Variants in INCENP observed in about 807,000 individuals in gnomAD.
INCENP encodes the protein inner centromere protein.
A neutral mutation model predicts 107.3 loss-of-function variants in INCENP; 43 were observed. The ratio of observed to expected loss-of-function variants is 0.40; its 90% CI spans 0.31 to 0.52. INCENP has a LOEUF of 0.52. Ranked by LOEUF, INCENP falls within the 20% of genes least tolerant of loss-of-function variation. The pLI is 0.53. For missense variants in INCENP, 1,089 were observed against 1,250.9 expected, an observed-to-expected ratio of 0.87 and a Z score of 1.95; for synonymous variants, 488 against 494.4, an observed-to-expected ratio of 0.99 and a Z score of 0.17.
rs377030570 is a variant in INCENP at position 62,138,778 on chromosome 11, G to A, written c.1173+8G>A. 2.1e-4 allele frequency: 336 copies of A among 1,613,704 alleles called. No individual in the cohort carries two copies. Among genetic ancestry groups the A allele is most frequent in the Non-Finnish European group, 1.8e-4 (213 of 1,179,846 alleles). ...GCGGCAGCTGAGCCAGAGGTAAGAC[G>A]GCTGCCTGGGGAAGGGAGGACTCAC... On this transcript the variant is annotated splice_region_variant and intron_variant, in intron 6 of 18. Coordinates refer to ENST00000394818, the MANE Select transcript of INCENP (RefSeq NM_001040694.2).
chr11:62,130,211 G>C lies in INCENP; in HGVS notation c.684G>C (p.Leu228=). 1 of 1,613,936 alleles carries C rather than the reference G, an allele frequency of 6.2e-7. No homozygotes were observed. The highest frequency in any genetic ancestry group is 8.5e-7 in the Non-Finnish European group (1 of 1,180,020). Reference sequence around the variant, plus strand: ...CTAAGAAGTCGAAGGCCAGGATACTGGAGTCCATCACAGTGAGCTCCCTGA... The same window carrying C: ...CTAAGAAGTCGAAGGCCAGGATACTCGAGTCCATCACAGTGAGCTCCCTGA... ...STPKKSKARI[L]ESITVSSLMA... Residue 228 remains leucine (L), a synonymous_variant, in exon 4 of 19, where the codon CTG becomes CTC. Coordinates refer to ENST00000394818, the MANE Select transcript of INCENP (RefSeq NM_001040694.2).
At position 62,129,926 on chromosome 11, in the gene INCENP, G is replaced by A. The variant is rs758789600; in HGVS notation, c.399G>A (p.Ala133=). ...RVTRAAAAAA[A]ATMALAAPSS... ...CCCGTGCTGCGGCTGCAGCTGCCGC[G>A]GCTACCATGGCATTGGCTGCACCTT... Residue 133 remains alanine, a synonymous_variant, in exon 4 of 19, where the codon GCG becomes GCA. Transcript: ENST00000394818. 6.4e-5 allele frequency: 103 copies of A among 1,613,808 alleles called. No individual in the cohort carries two copies. The East Asian group carries it at 1.4e-3, about 22-fold the overall frequency.
chr11:62,138,792 G>A (rs1944046605), intron 6 of INCENP, 22 bp downstream of exon 6: 1 of 1,613,540 alleles, frequency 6.2e-7, no homozygotes, highest in East Asian at 2.2e-5. Context: ...GCCTGGGGAA[G>A]GGAGGACTCA....
At chr11:62,147,944 C>T (rs1488037941) in intron 15 of INCENP, among the ~76,000 whole-genome samples, 1 of 152,108 alleles carries the variant, frequency 6.6e-6, no homozygotes, top group Non-Finnish European at 1.5e-5. Context: ...TTGTTTAGTC[C>T]TCAGTTGAAG....
Position 62,128,875 on chromosome 11 carries a change from C to A in INCENP, c.246C>A (p.Ile82=), listed in dbSNP as rs1229337292. The change falls in exon 3 of 19, where the codon ATC becomes ATA. Residue 82 remains isoleucine, a synonymous_variant. Coordinates refer to ENST00000394818, the MANE Select transcript of INCENP (RefSeq NM_001040694.2). ...TTCAGGATGAAAACAGAGATCCCAT[C>A]AGGAGAAGGTAGGAGGGGTTGGGGG... ...SYVQDENRDP[I]RRRLSRRKSR... 1.9e-6 allele frequency: 3 copies of A among 1,609,088 alleles called. No homozygotes were observed. Among genetic ancestry groups the A allele is most frequent in the Non-Finnish European group, 2.6e-6 (3 of 1,175,428 alleles).
intron 15 of INCENP, 115 bp from the exon 16 acceptor site, chr11:62,148,360 TC>T: frequency 2.1e-6 from 2 of 940,678 alleles, no homozygotes; most frequent in Non-Finnish European, 3.2e-6. Context: ...CATTCAGCAA[TC>T]CCACTTTCTA....
chr11:62,144,871 A>T (rs953328768), intron 11 of INCENP, 111 bp from the exon 12 acceptor site: 5 of 949,426 alleles, frequency 5.3e-6, no homozygotes, highest in Non-Finnish European at 8.5e-6. Flanking sequence ...AAGCATTCTG[A>T]TGCTGCCACC....
chr11:62,143,981 G>T (rs1045146735), intron 11 of INCENP, among the ~76,000 whole-genome samples: 1 of 152,258 alleles, frequency 6.6e-6, no homozygotes, highest in Admixed American at 6.5e-5. Context: ...CCAGGAGGGG[G>T]TGCCAGCATC....
intron 17 of INCENP, among the ~76,000 whole-genome samples, chr11:62,149,701 A>T (rs1268501857): frequency 6.6e-6 from 1 of 152,100 alleles, no homozygotes; most frequent in African/African-American, 2.4e-5. Context: ...GGGACAGATT[A>T]CTTGAGGTCA....
At chr11:62,141,706 T>C in intron 11 of INCENP, 195 bp downstream of exon 11, 1 of 723,722 alleles carries the variant, frequency 1.4e-6, no homozygotes. Flanking sequence ...AGCGTCCTTC[T>C]CTGCCCTCCC....
In INCENP at chr11:62,140,272, C is replaced by T. The variant is rs1406896313; in HGVS notation, c.1330C>T (p.Pro444Ser). 1 of 1,613,738 alleles carries T rather than the reference C, an allele frequency of 6.2e-7. No homozygotes were observed. Among genetic ancestry groups the T allele is most frequent in the Non-Finnish European group, 8.5e-7 (1 of 1,179,852 alleles). The change falls in exon 8 of 19, where the codon CCG becomes TCG. Residue 444 changes from proline to serine, a missense_variant. By Grantham distance (74) the Pro-to-Ser change is moderately conservative. Coordinates refer to ENST00000394818, the MANE Select transcript of INCENP (RefSeq NM_001040694.2). The part of the protein sequence containing the change: ...TDQADGPREP[P>S]QSARRKRSYK... ...CCAAGCAGATGGACCCAGAGAGCCA[C>T]CGCAGAGTGCCAGGTTTGCATCCGG... is the stretch of plus-strand genomic sequence containing the variant.
intron 11 of INCENP, among the ~76,000 whole-genome samples, chr11:62,142,212 C>A (rs1421402119): frequency 6.6e-6 from 1 of 152,226 alleles, no homozygotes; most frequent in Non-Finnish European, 1.5e-5. Flanking sequence ...CTGAAGGGTC[C>A]TCTGCAGCCA....
At chr11:62,137,906 G>A (rs770358186) in intron 5 of INCENP, 23 bp downstream of exon 5, 49 of 1,609,432 alleles carry the variant, frequency 3.0e-5, no homozygotes, top group South Asian at 4.4e-5. Flanking sequence ...CCAGGGCTTC[G>A]GAGGTAGGCA....
At position 62,129,903 on chromosome 11, in the gene INCENP, C is replaced by T. The variant is rs1398835115; in HGVS notation, c.376C>T (p.Arg126Cys). 6.8e-6 allele frequency: 11 copies of T among 1,613,502 alleles called. No homozygotes were observed. The highest frequency in any genetic ancestry group is 3.3e-5 in the Admixed American group (2 of 60,006). ...CGGCTCCGTCCTGCGGCGTGTGACC[C>T]GTGCTGCGGCTGCAGCTGCCGCGGC... ...ENGSVLRRVT[R>C]AAAAAAAATM... The change falls in exon 4 of 19, where the codon CGT becomes TGT. Residue 126 changes from arginine to cysteine, a missense_variant. Physicochemically the swap from Arg to Cys is radical, Grantham distance 180. Transcript: ENST00000394818.
chr11:62,124,180 G>C lies in INCENP; in HGVS notation c.-12+17G>C, dbSNP rs1245895183. ...CGCAGTCGAGTGAGTGCGCGTGGGCGTGGGGATTGGGGGGTGGTTCGCGAT... is the reference window on the plus strand; with the variant it reads ...CGCAGTCGAGTGAGTGCGCGTGGGCCTGGGGATTGGGGGGTGGTTCGCGAT... On this transcript the variant is annotated intron_variant, in intron 1 of 18. Coordinates refer to ENST00000394818, the MANE Select transcript of INCENP (RefSeq NM_001040694.2). The C allele has an allele frequency of 6.6e-6, 1 of 152,312 alleles. No homozygotes were observed. Among genetic ancestry groups the C allele is most frequent in the Non-Finnish European group, 1.5e-5 (1 of 68,152 alleles). 9.4% of individuals were successfully genotyped at this position (152,312 alleles called of 1,614,324 possible).
rs149745596 is a variant in INCENP, at chr11:62,151,725, A to G, written c.2543-37A>G. The G allele has an allele frequency of 4.3e-4, 682 of 1,571,386 alleles. 4 individuals carry two copies. The African/African-American group carries it at 7.0e-3, about 16-fold the overall frequency. On this transcript the variant is annotated intron_variant, in intron 18 of 18. Coordinates refer to ENST00000394818, the MANE Select transcript of INCENP (RefSeq NM_001040694.2). ...GCAAGGGATGGGGAGGTTCATGGAGAGCCCCAAGGCAGTGTCTGGTCTGTG... is the reference window on the plus strand; with the variant it reads ...GCAAGGGATGGGGAGGTTCATGGAGGGCCCCAAGGCAGTGTCTGGTCTGTG...
chr11:62,143,338 T>C (rs866258917), intron 11 of INCENP, among the ~76,000 whole-genome samples: 11 of 152,166 alleles, frequency 7.2e-5, no homozygotes, highest in African/African-American at 2.2e-4. Context: ...ACTCCCTTTC[T>C]GCTGCTTGAG....
At chr11:62,140,082 T>TA in intron 7 of INCENP, 152 bp from the exon 8 acceptor site, 1 of 659,354 alleles carries the variant, frequency 1.5e-6, no homozygotes, top group Non-Finnish European at 2.7e-6. Context: ...TTAAGGCTGA[T>TA]ATGTCTGCGT....
At position 62,146,787 on chromosome 11, in the gene INCENP, C is replaced by A. The variant is rs942844269; in HGVS notation, c.2089C>A (p.Arg697=). 1.3e-6 allele frequency: 2 copies of A among 1,529,106 alleles called. No individual in the cohort carries two copies. The highest frequency in any genetic ancestry group is 1.8e-4 in the Middle Eastern group (1 of 5,566). 94.7% of individuals were successfully genotyped at this position (1,529,106 alleles called of 1,614,324 possible). Residue 697 remains arginine (R), a synonymous_variant, in exon 15 of 19, where the codon CGG becomes AGG. Transcript: ENST00000394818. ...GGAGCAGGAGCGGCGGGAGCAGGAGCGGCGCGAGCAGGAGCGGCGCGAGCA... is the reference window on the plus strand; with the variant it reads ...GGAGCAGGAGCGGCGGGAGCAGGAGAGGCGCGAGCAGGAGCGGCGCGAGCA... ...QREQERREQE[R]REQERREQER...
Sources: allele counts gnomAD v4.1 joint callset (sites outside exome capture counted in the v4.1 genomes callset), GRCh38; gene constraint gnomAD v4.1.1; transcripts MANE v1.5; gene names NCBI Gene and HGNC (gene_info 2026-07-23, HGNC 2026-07-21).